The following NELL1 variants were observed in gnomAD, a reference collection of about 807,000 sequenced individuals.
NELL1 encodes the protein protein kinase C-binding protein NELL1.
In NELL1, 76 loss-of-function variants were observed where a neutral mutation model predicts 107.4. The observed-to-expected ratio is 0.71, with a 90% CI of 0.59 to 0.86. The LOEUF (loss-of-function observed/expected upper bound fraction) is 0.86, where lower values mean the gene tolerates loss of function less well. Among genes scored for constraint, NELL1 ranks in the 40% least tolerant of loss-of-function variants. The pLI is 0.00. For synonymous variants in NELL1, 353 were observed against 341.2 expected, an observed-to-expected ratio of 1.03 and a Z score of -0.38; for missense variants, 1,024 against 1,005.5, an observed-to-expected ratio of 1.02 and a Z score of -0.25.
intron 16 of NELL1, among the ~76,000 whole-genome samples, chr11:21,548,622 G>A (rs1466445254): frequency 2.0e-5 from 3 of 151,764 alleles, no homozygotes; most frequent in Non-Finnish European, 4.4e-5. Flanking sequence ...CAACATGTGG[G>A]AATTATGGGA....
intron 13 of NELL1, among the ~76,000 whole-genome samples, chr11:21,182,650 A>C (rs1355104143): frequency 6.9e-6 from 1 of 144,952 alleles, no homozygotes; most frequent in Non-Finnish European, 1.5e-5. Flanking sequence ...GGAAGCAGCT[A>C]CCTAGGGCTA....
At chr11:21,171,132 GT>G (rs1856598303) in intron 13 of NELL1, among the ~76,000 whole-genome samples, 2 of 151,718 alleles carry the variant, frequency 1.3e-5, no homozygotes, top group South Asian at 4.1e-4. Flanking sequence ...GAAACATCAT[GT>G]TTTCTACATT....
chr11:20,884,482 ATCTTCTG>A, intron 4 of NELL1, among the ~76,000 whole-genome samples: 1 of 151,400 alleles, frequency 6.6e-6, no homozygotes, highest in South Asian at 2.1e-4. Context: ...CCCACCCAGA[ATCTTCTG>A]AGCATCCAAT....
chr11:21,092,688 G>C (rs1004736100), intron 12 of NELL1, among the ~76,000 whole-genome samples: 2 of 152,164 alleles, frequency 1.3e-5, no homozygotes, highest in African/African-American at 4.8e-5. Flanking sequence ...GCCATTTGTA[G>C]AAAAGGAAAC....
At chr11:21,552,511 C>T (rs1013511038) in intron 16 of NELL1, among the ~76,000 whole-genome samples, 3 of 151,510 alleles carry the variant, frequency 2.0e-5, no homozygotes, top group Non-Finnish European at 4.4e-5. Flanking sequence ...AAAAAAAAGA[C>T]AAATTTAAAA....
At chr11:20,917,594 T>G (rs147427152) in intron 5 of NELL1, among the ~76,000 whole-genome samples, 1 of 151,954 alleles carries the variant, frequency 6.6e-6, no homozygotes, top group Admixed American at 6.6e-5. Flanking sequence ...AATATTTTCA[T>G]TGAGAGATGA....
chr11:21,316,577 C>T (rs1849885135), intron 14 of NELL1, among the ~76,000 whole-genome samples: 1 of 152,146 alleles, frequency 6.6e-6, no homozygotes, highest in Non-Finnish European at 1.5e-5. Context: ...TCAACATGGT[C>T]AGGTGTCCCC....
intron 7 of NELL1, among the ~76,000 whole-genome samples, chr11:20,924,578 GA>G (rs1850449813): frequency 6.6e-6 from 1 of 152,170 alleles, no homozygotes; most frequent in South Asian, 2.1e-4. Context: ...TGGATTTTAA[GA>G]AAGCTCAGAT....
intron 14 of NELL1, among the ~76,000 whole-genome samples, chr11:21,299,511 ATGTGTGTGTGTGTG>A (rs71063696): frequency 0.045 from 6,181 of 136,462 alleles, 167 homozygotes; most frequent in Admixed American, 0.074. Context: ...ATTGTCTTAT[ATGTGTGTGTGTGTG>A]TGTGTGTGTG....
At chr11:21,463,435 G>A (rs2133875267) in intron 15 of NELL1, among the ~76,000 whole-genome samples, 1 of 152,220 alleles carries the variant, frequency 6.6e-6, no homozygotes. Context: ...CACTCAATCT[G>A]TGTTTCTCAG....
At chr11:20,815,099 C>A (rs978153563) in intron 3 of NELL1, among the ~76,000 whole-genome samples, 1 of 152,150 alleles carries the variant, frequency 6.6e-6, no homozygotes, top group Non-Finnish European at 1.5e-5. Flanking sequence ...AAGTCTCTCT[C>A]TGTCGCCCAG....
rs1294267885 is a variant in NELL1 at position 21,329,745 on chromosome 11, A to G, written c.1550-41108A>G. On this transcript the variant is annotated intron_variant, in intron 14 of 19. Transcript: ENST00000357134. ...TCCTTTTTTACTAGATGTCTTGGGT[A>G]ATTTTTGTAAATCATTCCTCTAGGG... Among the ~76,000 whole-genome samples, 9 of 152,162 alleles carry G rather than the reference A, an allele frequency of 5.9e-5. No homozygotes were observed. In the East Asian group the frequency reaches 1.7e-3, roughly 29 times the overall value.
chr11:21,534,965 A>G (rs1195745662), intron 16 of NELL1, among the ~76,000 whole-genome samples: 2 of 152,192 alleles, frequency 1.3e-5, no homozygotes, highest in African/African-American at 2.4e-5. Flanking sequence ...TCATCTGTGT[A>G]TATGTAAAAA....
chr11:21,133,597 G>A (rs1329298372), intron 13 of NELL1, among the ~76,000 whole-genome samples: 2 of 152,162 alleles, frequency 1.3e-5, no homozygotes, highest in Non-Finnish European at 2.9e-5. Flanking sequence ...CATGGGACTG[G>A]TGTGTCAGTG....
intron 3 of NELL1, among the ~76,000 whole-genome samples, chr11:20,796,933 G>T (rs1857180592): frequency 6.6e-6 from 1 of 152,124 alleles, no homozygotes; most frequent in Non-Finnish European, 1.5e-5. Context: ...AATGGAAGAG[G>T]GTTCTGAATG....
At chr11:21,094,985 C>T (rs1323566993) in intron 12 of NELL1, among the ~76,000 whole-genome samples, 1 of 152,178 alleles carries the variant, frequency 6.6e-6, no homozygotes, top group East Asian at 1.9e-4. Flanking sequence ...TCTTTTCTAT[C>T]ACATTTTCGG....
chr11:21,480,792 T>C lies in NELL1; in HGVS notation c.1646-53582T>C, dbSNP rs186010576. On this transcript the variant is annotated intron_variant, in intron 15 of 19. Transcript: ENST00000357134. The stretch of plus-strand genomic sequence containing the variant: ...GGCAGTTAATAATGTTATGGCATCC[T>C]GTTCCCCTCAGAATGCTTCATTTTA... Among the ~76,000 whole-genome samples the C allele has an allele frequency of 3.7e-3, 562 of 152,354 alleles. 7 individuals are homozygous for C. Among genetic ancestry groups the C allele is most frequent in the Admixed American group, 0.017 (261 of 15,300 alleles).
At chr11:20,705,080 A>G (rs1854906906) in intron 2 of NELL1, among the ~76,000 whole-genome samples, 3 of 152,194 alleles carry the variant, frequency 2.0e-5, no homozygotes, top group Non-Finnish European at 2.9e-5. Flanking sequence ...GAAAATGGCC[A>G]TACTGCCCAA....
chr11:20,733,944 G>C (rs1855704434), intron 2 of NELL1, among the ~76,000 whole-genome samples: 1 of 152,142 alleles, frequency 6.6e-6, no homozygotes, highest in Admixed American at 6.6e-5. Context: ...CTCTGTTAGT[G>C]ACAAGTGCTA....
Sources: gnomAD v4.1 joint callset for allele counts (sites outside exome capture counted in the v4.1 genomes callset) on GRCh38, gnomAD v4.1.1 for gene constraint, MANE v1.5 for transcripts, NCBI Gene and HGNC (gene_info 2026-07-23, HGNC 2026-07-21) for gene names.